Variants in TASP1 observed in about 807,000 individuals in gnomAD.
TASP1 encodes taspase 1.
Under a neutral mutation model 56.6 loss-of-function variants are expected in TASP1, and 16 were observed. The ratio of observed to expected loss-of-function variants is 0.28; its 90% CI spans 0.19 to 0.43. The LOEUF is 0.43. TASP1 is among the 20% of genes least tolerant of loss of function. The pLI, the probability that TASP1 is intolerant of heterozygous loss-of-function variation, is 1.00. For synonymous variants in TASP1, 179 were observed against 184.2 expected (o/e 0.97, Z 0.23); for missense variants, 393 against 511.6 (o/e 0.77, Z 2.24).
At chr20:13,220,505 GCCC>G in the TASP1 span, among the ~76,000 whole-genome samples, 2 of 152,192 alleles carry the variant, frequency 1.3e-5, no homozygotes, top group African/African-American at 4.8e-5. Flanking sequence ...CCCGGGATGA[GCCC>G]CCCACAGAGG....
rs188010641 is a variant in TASP1 at position 13,488,298 on chromosome 20, C to T, written c.875-4961G>A. Among the ~76,000 whole-genome samples the T allele has an allele frequency of 7.0e-4, 106 of 151,832 alleles. 1 individual carries two copies. In the East Asian group the frequency reaches 0.015, roughly 22 times the overall value. ...GCAACAAGAAAATATTAAAAACTCA[C>T]CAAAAAGAAAAGGAAAAAAATTCAC... On this transcript the variant is annotated intron_variant, in intron 10 of 13. Coordinates refer to ENST00000337743, the MANE Select transcript of TASP1 (RefSeq NM_017714.3).
chr20:13,288,731 T>C, the TASP1 span: 536 of 1,549,284 alleles, frequency 3.5e-4, 8 homozygotes, highest in Middle Eastern at 2.9e-3. Context: ...GAAAGCTTTT[T>C]AATTTATCAT....
the TASP1 span, chr20:13,166,055 T>C: frequency 1.3e-5 from 2 of 152,654 alleles, no homozygotes; most frequent in Non-Finnish European, 2.9e-5. Context: ...AAAAAGCCCA[T>C]GGAGAACCTT....
At chr20:13,434,709 T>C (rs923777758) in intron 12 of TASP1, among the ~76,000 whole-genome samples, 1 of 152,138 alleles carries the variant, frequency 6.6e-6, no homozygotes, top group African/African-American at 2.4e-5. Context: ...AGCCTCTCTA[T>C]TACTGTGTGC....
chr20:13,182,728 G>C, the TASP1 span, among the ~76,000 whole-genome samples: 4,268 of 152,238 alleles, frequency 0.028, 191 homozygotes, highest in African/African-American at 0.096. Context: ...ACCAAGAACA[G>C]TCCCTAACCC....
chr20:13,383,407 A>G, the TASP1 span, among the ~76,000 whole-genome samples: 1 of 152,232 alleles, frequency 6.6e-6, no homozygotes, highest in South Asian at 2.1e-4. Flanking sequence ...TCACAGAAGG[A>G]AAGTAAAAAT....
the TASP1 span, among the ~76,000 whole-genome samples, chr20:13,188,726 C>T: frequency 6.6e-6 from 1 of 152,100 alleles, no homozygotes; most frequent in East Asian, 1.9e-4. Flanking sequence ...CCTGAATACC[C>T]AAAGCAAGCC....
chr20:13,346,034 T>C, the TASP1 span, among the ~76,000 whole-genome samples: 1 of 152,070 alleles, frequency 6.6e-6, no homozygotes, highest in Non-Finnish European at 1.5e-5. Flanking sequence ...GGGGCCATGC[T>C]TCCAAACACA....
chr20:13,314,424 T>C, the TASP1 span, among the ~76,000 whole-genome samples: 1 of 151,950 alleles, frequency 6.6e-6, no homozygotes, highest in Admixed American at 6.6e-5. Flanking sequence ...AAGAATTACA[T>C]CCACCTTCTC....
At chr20:13,447,796 T>C (rs1433689318) in intron 11 of TASP1, among the ~76,000 whole-genome samples, 1 of 152,114 alleles carries the variant, frequency 6.6e-6, no homozygotes, top group East Asian at 1.9e-4. Flanking sequence ...ACTGAAAATT[T>C]CCTTCATCCA....
the TASP1 span, among the ~76,000 whole-genome samples, chr20:13,258,512 C>T: frequency 6.6e-6 from 1 of 152,180 alleles, no homozygotes; most frequent in African/African-American, 2.4e-5. Context: ...CCTGCTCAGA[C>T]TCAAACTGAT....
chr20:13,588,949 T>C (rs1025417660), intron 4 of TASP1, among the ~76,000 whole-genome samples: 3 of 152,064 alleles, frequency 2.0e-5, no homozygotes, highest in African/African-American at 4.8e-5. Context: ...TAAGGATAGA[T>C]ATATAAATTG....
intron 13 of TASP1, among the ~76,000 whole-genome samples, chr20:13,411,160 C>T (rs768046308): frequency 2.6e-5 from 4 of 152,080 alleles, no homozygotes; most frequent in Middle Eastern, 3.2e-3. Flanking sequence ...TTTCTGGATT[C>T]TCTACTCTGT....
At chr20:13,387,192 T>C (rs1329930760), downstream of TASP1, among the ~76,000 whole-genome samples, 2 of 138,042 alleles carry the variant, frequency 1.4e-5, no homozygotes, top group East Asian at 4.0e-4. Context: ...TCATTTTTTT[T>C]TTTTTTTTTT....
chr20:13,569,248 T>C (rs1443855854), intron 7 of TASP1, among the ~76,000 whole-genome samples: 1 of 152,028 alleles, frequency 6.6e-6, no homozygotes, highest in Non-Finnish European at 1.5e-5. Flanking sequence ...GCTTTATTAG[T>C]AGTAATTATT....
Position 13,469,792 on chromosome 20 carries a change from CTTTTTTTTTTTTTTTT to C in TASP1, c.985+13419_985+13434del, listed in dbSNP as rs546419566. 9.9e-4 allele frequency among the ~76,000 whole-genome samples: 39 copies of C among 39,546 alleles called. 1 individual carries two copies. Among genetic ancestry groups the C allele is most frequent in the Admixed American group, 4.0e-3 (9 of 2,234 alleles). 25.9% of individuals were successfully genotyped at this position (39,546 alleles called of 152,430 possible). ...ACAGTTGTCCAGGTCAATAAATGTC[CTTTTTTTTTTTTTTTT>C]TTTTTTTTTTTTTTTTTTGAGAGAG... On this transcript the variant is annotated intron_variant, in intron 11 of 13. Transcript: ENST00000337743.
the TASP1 span, among the ~76,000 whole-genome samples, chr20:13,241,662 G>A: frequency 4.6e-5 from 7 of 152,280 alleles, no homozygotes; most frequent in South Asian, 8.3e-4. Context: ...CAAGTAGGAC[G>A]TTTGAGGAGA....
intron 13 of TASP1, among the ~76,000 whole-genome samples, chr20:13,403,214 TATTAACTTATTAAC>T (rs1223837727): frequency 6.6e-6 from 1 of 152,202 alleles, no homozygotes; most frequent in African/African-American, 2.4e-5. Context: ...AACATTAACT[TATTAACTTATTAAC>T]ATTAACTTGC....
the TASP1 span, among the ~76,000 whole-genome samples, chr20:13,128,874 T>C: frequency 1.5e-3 from 135 of 93,048 alleles, no homozygotes; most frequent in Middle Eastern, 5.8e-3. Context: ...CCAGCTAATT[T>C]TTTTTTTTTT....
Sources: gnomAD v4.1 joint callset for allele counts (sites outside exome capture counted in the v4.1 genomes callset) on GRCh38, gnomAD v4.1.1 for gene constraint, MANE v1.5 for transcripts, NCBI Gene and HGNC (gene_info 2026-07-23, HGNC 2026-07-21) for gene names.